The following DYNC1I1 variants were observed in gnomAD, a reference collection of about 807,000 sequenced individuals.
DYNC1I1 encodes cytoplasmic dynein 1 intermediate chain 1.
In DYNC1I1, 43 loss-of-function variants were observed where a neutral mutation model predicts 86.6. The ratio of observed to expected loss-of-function variants is 0.50; its 90% CI spans 0.39 to 0.64. The LOEUF (loss-of-function observed/expected upper bound fraction) is 0.64, where lower values mean the gene tolerates loss of function less well. DYNC1I1 is among the 30% of genes least tolerant of loss of function. DYNC1I1 has a pLI of 0.00. For synonymous variants in DYNC1I1, 262 were observed against 283.7 expected, an observed-to-expected ratio of 0.92 and a Z score of 0.77; for missense variants, 604 against 788.8, an observed-to-expected ratio of 0.77 and a Z score of 2.81.
intron 6 of DYNC1I1, among the ~76,000 whole-genome samples, chr7:95,929,208 A>G (rs1282920571): frequency 1.3e-5 from 2 of 152,110 alleles, no homozygotes; most frequent in Non-Finnish European, 2.9e-5. Context: ...GCCCATGCCT[A>G]GAATATCCCT....
intron 4 of DYNC1I1, among the ~76,000 whole-genome samples, chr7:95,827,084 T>C (rs936853855): frequency 1.3e-5 from 2 of 152,092 alleles, no homozygotes; most frequent in Non-Finnish European, 1.5e-5. Context: ...TCCCAAGAGA[T>C]GTTGATGCTA....
At chr7:95,898,873 C>G (rs1790960412) in intron 6 of DYNC1I1, among the ~76,000 whole-genome samples, 1 of 152,040 alleles carries the variant, frequency 6.6e-6, no homozygotes, top group South Asian at 2.1e-4. Context: ...TGATTAGACT[C>G]GAAGATTTCA....
At chr7:95,940,204 G>A (rs1234359430) in intron 6 of DYNC1I1, among the ~76,000 whole-genome samples, 5 of 152,022 alleles carry the variant, frequency 3.3e-5, no homozygotes, top group African/African-American at 4.8e-5. Flanking sequence ...AGGGTAACCC[G>A]ACCTTTCTCT....
At chr7:95,886,561 C>T (rs1216562973) in intron 6 of DYNC1I1, among the ~76,000 whole-genome samples, 1 of 152,170 alleles carries the variant, frequency 6.6e-6, no homozygotes, top group East Asian at 1.9e-4. Flanking sequence ...TCAGTGCTTC[C>T]TGACTTTAAG....
At chr7:95,997,886 A>T (rs934567105) in intron 10 of DYNC1I1, among the ~76,000 whole-genome samples, 2 of 152,172 alleles carry the variant, frequency 1.3e-5, no homozygotes, top group African/African-American at 4.8e-5. Flanking sequence ...GGTAAATATC[A>T]CTGGCTGCCA....
intron 6 of DYNC1I1, among the ~76,000 whole-genome samples, chr7:95,916,282 C>A (rs573853983): frequency 2.0e-5 from 3 of 152,266 alleles, no homozygotes; most frequent in East Asian, 3.9e-4. Context: ...ACTTTATTTT[C>A]CATTGCCAAT....
At chr7:95,782,767 T>C (rs1429771705) in intron 1 of DYNC1I1, among the ~76,000 whole-genome samples, 1 of 152,124 alleles carries the variant, frequency 6.6e-6, no homozygotes, top group Admixed American at 6.6e-5. Flanking sequence ...AGTGGTTTTA[T>C]TGAGTGGTGG....
At chr7:95,772,869 G>C (rs1464291933) in intron 1 of DYNC1I1, 96 bp downstream of exon 1, 1 of 152,364 alleles carries the variant, frequency 6.6e-6, no homozygotes, top group Non-Finnish European at 1.5e-5. Context: ...TGGGAACCAG[G>C]CTGGAGCCGA....
intron 16 of DYNC1I1, among the ~76,000 whole-genome samples, chr7:96,085,927 T>A (rs1296717861): frequency 6.6e-6 from 1 of 152,180 alleles, no homozygotes; most frequent in Admixed American, 6.5e-5. Context: ...AGAGCTATTG[T>A]TGGATTTTTT....
chr7:95,789,768 G>A (rs972341066), intron 1 of DYNC1I1, among the ~76,000 whole-genome samples: 1 of 152,108 alleles, frequency 6.6e-6, no homozygotes, highest in African/African-American at 2.4e-5. Context: ...AAAGGATAAA[G>A]GTAGAGATAA....
chr7:96,019,314 TC>T (rs973697419), intron 10 of DYNC1I1, among the ~76,000 whole-genome samples: 7 of 152,070 alleles, frequency 4.6e-5, no homozygotes, highest in Admixed American at 3.9e-4. Flanking sequence ...GACTAATATC[TC>T]CCCAGTCCTT....
intron 14 of DYNC1I1, among the ~76,000 whole-genome samples, chr7:96,042,030 A>C (rs554370777): frequency 1.1e-4 from 17 of 152,158 alleles, no homozygotes; most frequent in Non-Finnish European, 1.9e-4. Context: ...GTGACTTTAA[A>C]ACTCTGTATG....
intron 1 of DYNC1I1, among the ~76,000 whole-genome samples, chr7:95,802,351 A>C (rs1469025841): frequency 2.6e-5 from 4 of 152,084 alleles, no homozygotes; most frequent in Non-Finnish European, 5.9e-5. Context: ...TGCTCTCGCT[A>C]ATGCACATTC....
chr7:95,804,476 T>A, intron 1 of DYNC1I1: 1 of 922,872 alleles, frequency 1.1e-6, no homozygotes, highest in South Asian at 1.7e-5. Flanking sequence ...TTAGGCCACA[T>A]AATAACCTTG....
intron 10 of DYNC1I1, among the ~76,000 whole-genome samples, chr7:96,021,307 C>A (rs1047711239): frequency 6.6e-6 from 1 of 152,062 alleles, no homozygotes; most frequent in African/African-American, 2.4e-5. Context: ...GTTCTTGGGA[C>A]TCTGGGTCTG....
chr7:95,997,722 G>A (rs909353200), intron 10 of DYNC1I1, among the ~76,000 whole-genome samples: 5 of 150,846 alleles, frequency 3.3e-5, no homozygotes, highest in African/African-American at 7.3e-5. Context: ...AAATATACTC[G>A]TGATTTTAAA....
intron 6 of DYNC1I1, among the ~76,000 whole-genome samples, chr7:95,898,732 G>T (rs552728349): frequency 6.6e-5 from 10 of 152,166 alleles, no homozygotes; most frequent in Non-Finnish European, 1.5e-4. Context: ...CTTTTTGATT[G>T]TGAGTTCATC....
intron 4 of DYNC1I1, among the ~76,000 whole-genome samples, chr7:95,822,588 G>T (rs1212613373): frequency 1.3e-5 from 2 of 152,114 alleles, no homozygotes; most frequent in Admixed American, 6.5e-5. Context: ...CCATAGAACC[G>T]TAACAGTGCC....
chr7:96,101,105 A>C (rs531907522), downstream of DYNC1I1, among the ~76,000 whole-genome samples: 94 of 152,226 alleles, frequency 6.2e-4, no homozygotes, highest in African/African-American at 2.1e-3. Flanking sequence ...GGTGGCAGTT[A>C]ACCACCAGAA....
Sources: gnomAD v4.1 joint callset for allele counts (sites outside exome capture counted in the v4.1 genomes callset) on GRCh38, gnomAD v4.1.1 for gene constraint, MANE v1.5 for transcripts, NCBI Gene and HGNC (gene_info 2026-07-23, HGNC 2026-07-21) for gene names.